The following DLG2 variants were observed in gnomAD, a reference collection of about 807,000 sequenced individuals.
The protein encoded by DLG2 is disks large homolog 2.
DLG2 carries 45 observed loss-of-function variants against 132.5 expected under a neutral mutation model. The ratio of observed to expected loss-of-function variants is 0.34; its 90% CI spans 0.27 to 0.44. DLG2 has a LOEUF of 0.44. Among genes scored for constraint, DLG2 ranks in the 20% least tolerant of loss-of-function variants. The pLI, the probability that DLG2 is intolerant of heterozygous loss-of-function variation, is 1.00. For synonymous variants in DLG2, 424 were observed against 419.6 expected (o/e 1.01, Z -0.13); for missense variants, 1,045 against 1,196.9 (o/e 0.87, Z 1.87).
chr11:84,334,964 A>C (rs2098476975), intron 7 of DLG2, among the ~76,000 whole-genome samples: 1 of 152,138 alleles, frequency 6.6e-6, no homozygotes. Context: ...ATTAATTTAC[A>C]ACCTGTAATA....
At chr11:84,383,796 A>T (rs886431627) in intron 7 of DLG2, among the ~76,000 whole-genome samples, 2 of 152,136 alleles carry the variant, frequency 1.3e-5, no homozygotes, top group African/African-American at 4.8e-5. Context: ...AGCCAGTGAG[A>T]CAATGAAGCA....
At chr11:83,903,901 C>T (rs12294813) in intron 15 of DLG2, among the ~76,000 whole-genome samples, 14,659 of 152,212 alleles carry the variant, frequency 0.096, 839 homozygotes, top group Middle Eastern at 0.2. Context: ...ATGGACCCTA[C>T]AAATACTGTG....
intron 6 of DLG2, among the ~76,000 whole-genome samples, chr11:84,596,669 C>G (rs541827735): frequency 1.3e-5 from 2 of 152,058 alleles, no homozygotes; most frequent in Non-Finnish European, 2.9e-5. Flanking sequence ...GTGGGTGGTA[C>G]TCTGGCAGAA....
At chr11:84,618,849 C>T (rs558087260) in intron 6 of DLG2, among the ~76,000 whole-genome samples, 138 of 151,978 alleles carry the variant, frequency 9.1e-4, no homozygotes, top group African/African-American at 3.3e-3. Context: ...TTAAGATTAT[C>T]AGACACATAA....
At chr11:84,881,812 A>G (rs1052051906) in intron 6 of DLG2, among the ~76,000 whole-genome samples, 1 of 152,130 alleles carries the variant, frequency 6.6e-6, no homozygotes, top group African/African-American at 2.4e-5. Context: ...TGGAAGTGAC[A>G]CAAAGAAACC....
At chr11:84,201,679 T>A (rs1341621030) in intron 8 of DLG2, among the ~76,000 whole-genome samples, 1 of 151,912 alleles carries the variant, frequency 6.6e-6, no homozygotes, top group Non-Finnish European at 1.5e-5. Context: ...GGTTCGGTCT[T>A]GAAAGGGTGT....
At chr11:84,562,980 G>C (rs1214300876) in intron 6 of DLG2, among the ~76,000 whole-genome samples, 3 of 151,912 alleles carry the variant, frequency 2.0e-5, no homozygotes, top group Non-Finnish European at 2.9e-5. Context: ...TCAAACTGCT[G>C]GGCTCAAGTG....
At chr11:85,094,280 A>T (rs1265613934) in intron 6 of DLG2, among the ~76,000 whole-genome samples, 1 of 152,200 alleles carries the variant, frequency 6.6e-6, no homozygotes, top group African/African-American at 2.4e-5. Flanking sequence ...GCAGTGGCTT[A>T]ATTTTCAGTA....
intron 8 of DLG2, among the ~76,000 whole-genome samples, chr11:84,191,600 C>G (rs1354637789): frequency 6.6e-6 from 1 of 152,148 alleles, no homozygotes; most frequent in Non-Finnish European, 1.5e-5. Context: ...TACAAATATC[C>G]AAAGTTAGAA....
intron 6 of DLG2, among the ~76,000 whole-genome samples, chr11:84,600,164 GAAAGAAA>G (rs1565419042): frequency 1.2e-3 from 91 of 74,502 alleles, no homozygotes; most frequent in Non-Finnish European, 2.1e-3. Flanking sequence ...AAGAAGGAAA[GAAAGAAA>G]GAAAGAAAGA....
intron 11 of DLG2, among the ~76,000 whole-genome samples, chr11:84,010,885 A>G (rs756012213): frequency 2.0e-5 from 3 of 152,142 alleles, no homozygotes; most frequent in Non-Finnish European, 4.4e-5. Flanking sequence ...AACTGGGTAT[A>G]CAACTCTTGC....
chr11:83,901,414 T>C lies in DLG2; in HGVS notation c.1497-26926A>G, dbSNP rs141074273. Among the ~76,000 whole-genome samples, 25 of 152,304 alleles carry C rather than the reference T, an allele frequency of 1.6e-4. No individual in the cohort carries two copies. The East Asian group carries it at 4.6e-3, about 28-fold the overall frequency. Reference sequence around the variant, plus strand: ...TATCTCCCAGAATTCCCACATGTTGTGGGAGGGTCCCAGTGGAAGAGAATT... The same window carrying C: ...TATCTCCCAGAATTCCCACATGTTGCGGGAGGGTCCCAGTGGAAGAGAATT... On this transcript the variant is annotated intron_variant, in intron 15 of 27. Coordinates refer to ENST00000376104, the MANE Select transcript of DLG2 (RefSeq NM_001142699.3).
intron 10 of DLG2, among the ~76,000 whole-genome samples, chr11:84,092,377 A>G (rs889209120): frequency 6.6e-6 from 1 of 152,176 alleles, no homozygotes; most frequent in Non-Finnish European, 1.5e-5. Flanking sequence ...ATTTCATGTA[A>G]TCTTACTATA....
chr11:85,298,849 C>A (rs907354625), intron 3 of DLG2, among the ~76,000 whole-genome samples: 1 of 152,068 alleles, frequency 6.6e-6, no homozygotes, highest in Non-Finnish European at 1.5e-5. Flanking sequence ...AGAAATGGAA[C>A]AAGTTGGTCA....
At chr11:85,076,618 C>T (rs1434729230) in intron 6 of DLG2, among the ~76,000 whole-genome samples, 1 of 152,010 alleles carries the variant, frequency 6.6e-6, no homozygotes, top group African/African-American at 2.4e-5. Context: ...TCAGCACCCT[C>T]TGGGAGACTA....
At chr11:84,736,789 A>G (rs2063889053) in intron 6 of DLG2, among the ~76,000 whole-genome samples, 1 of 152,012 alleles carries the variant, frequency 6.6e-6, no homozygotes, top group African/African-American at 2.4e-5. Context: ...CTTTTTAAAT[A>G]GATTCTATCA....
intron 17 of DLG2, among the ~76,000 whole-genome samples, chr11:83,792,169 T>G (rs1036460186): frequency 1.3e-5 from 2 of 152,180 alleles, no homozygotes; most frequent in Admixed American, 6.5e-5. Context: ...TAAGGTTGTT[T>G]CCAGTTTTTC....
chr11:84,941,784 C>T (rs1260250273), intron 6 of DLG2, among the ~76,000 whole-genome samples: 8 of 151,582 alleles, frequency 5.3e-5, no homozygotes, highest in Non-Finnish European at 1.0e-4. Flanking sequence ...ATTCCCTCCT[C>T]TTCTCTTTTT....
chr11:83,997,856 T>C (rs2094134131), intron 11 of DLG2, among the ~76,000 whole-genome samples: 1 of 150,708 alleles, frequency 6.6e-6, no homozygotes, highest in South Asian at 2.1e-4. Context: ...CTGAGAATAT[T>C]GAAGTACTTG....
Sources: gnomAD v4.1 joint callset for allele counts (sites outside exome capture counted in the v4.1 genomes callset) on GRCh38, gnomAD v4.1.1 for gene constraint, MANE v1.5 for transcripts, NCBI Gene and HGNC (gene_info 2026-07-23, HGNC 2026-07-21) for gene names.